The following GNG7 variants were observed in gnomAD, a reference collection of about 807,000 sequenced individuals.
GNG7 encodes the protein G protein subunit gamma 7.
In GNG7, 1 loss-of-function variant was observed where a neutral mutation model predicts 4.0. That is an observed-to-expected ratio of 0.25 (90% CI 0.09 to 1.18). The LOEUF is 1.18. Ranked by LOEUF, GNG7 falls within the 50% of genes most tolerant of loss-of-function variation. The pLI is 0.50. For missense variants in GNG7, 86 were observed against 91.9 expected (o/e 0.94, Z 0.26); for synonymous variants, 34 against 36.9 (o/e 0.92, Z 0.29).
At position 2,633,190 on chromosome 19, in the gene GNG7, G is replaced by A. The variant is rs1021271176; in HGVS notation, c.-78+13034C>T. 1.3e-5 allele frequency among the ~76,000 whole-genome samples: 2 copies of A among 152,200 alleles called. No individual in the cohort carries two copies. Among genetic ancestry groups the A allele is most frequent in the Admixed American group, 1.3e-4 (2 of 15,274 alleles). On this transcript the variant is annotated intron_variant, in intron 2 of 4. Transcript: ENST00000382159. This position sits in a 1 kb window ranked among gnomAD's most constrained non-coding sequence, Gnocchi z 5.9. ...GATGGGAGGAAAATTAGCATCCAAC[G>A]GGCCTCATCATTGCTGTCCTGGGCA...
intron 2 of GNG7, among the ~76,000 whole-genome samples, chr19:2,573,111 C>T (rs1402246113): frequency 2.0e-5 from 3 of 150,106 alleles, no homozygotes; most frequent in African/African-American, 4.9e-5. Context: ...CTGCAACCTC[C>T]GTCTCCCAGG....
At position 2,545,439 on chromosome 19, in the gene GNG7, G is replaced by A. The variant is rs1433655158; in HGVS notation, c.-38+9710C>T. ...GAGGCGGGCGGATCACTTGACGTCA[G>A]GGGTTCGAGACCAGCCTGGTCAACA... On this transcript the variant is annotated intron_variant, in intron 3 of 4. Coordinates refer to ENST00000382159, the MANE Select transcript of GNG7 (RefSeq NM_052847.3). Among the ~76,000 whole-genome samples, 5 of 152,110 alleles carry A rather than the reference G, an allele frequency of 3.3e-5. No homozygotes were observed. In the East Asian group the frequency reaches 9.7e-4, roughly 29 times the overall value.
At chr19:2,658,965 C>T (rs1048306871) in intron 1 of GNG7, among the ~76,000 whole-genome samples, 29 of 147,224 alleles carry the variant, frequency 2.0e-4, no homozygotes, top group African/African-American at 5.8e-4. Flanking sequence ...ACGAACCAAG[C>T]GTTCTGATTT....
chr19:2,526,600 T>C (rs1023011295), intron 3 of GNG7, among the ~76,000 whole-genome samples: 4 of 146,722 alleles, frequency 2.7e-5, no homozygotes, highest in African/African-American at 1.0e-4. Context: ...CAGTTTTGTA[T>C]TACTAATATA....
At chr19:2,621,590 G>C (rs991192048) in intron 2 of GNG7, among the ~76,000 whole-genome samples, 1 of 152,126 alleles carries the variant, frequency 6.6e-6, no homozygotes, top group African/African-American at 2.4e-5. Flanking sequence ...CCAGCTACTC[G>C]GGAGGCTGAG....
intron 1 of GNG7, among the ~76,000 whole-genome samples, chr19:2,697,396 G>A (rs776496120): frequency 2.6e-5 from 4 of 152,036 alleles, no homozygotes; most frequent in Admixed American, 2.0e-4. Flanking sequence ...GCCGCAGGAT[G>A]GGGGAGGAGG....
At chr19:2,519,412 T>C (rs1978296855) in intron 4 of GNG7, among the ~76,000 whole-genome samples, 1 of 151,860 alleles carries the variant, frequency 6.6e-6, no homozygotes, top group African/African-American at 2.4e-5. Context: ...CACCTCAGCT[T>C]CCCAAAGTGC....
At chr19:2,560,905 C>T (rs919522609) in intron 2 of GNG7, among the ~76,000 whole-genome samples, 3 of 149,842 alleles carry the variant, frequency 2.0e-5, no homozygotes, top group Non-Finnish European at 3.0e-5. Flanking sequence ...TGCAGTGAGC[C>T]GAGATCGTAC....
At chr19:2,620,259 G>A (rs1981832993) in intron 2 of GNG7, among the ~76,000 whole-genome samples, 1 of 147,356 alleles carries the variant, frequency 6.8e-6, no homozygotes, top group Non-Finnish European at 1.5e-5. Flanking sequence ...GGGGAGGGGA[G>A]GGGAGAGGAG....
chr19:2,637,950 T>C (rs1982360228), intron 2 of GNG7, among the ~76,000 whole-genome samples: 1 of 152,118 alleles, frequency 6.6e-6, no homozygotes, highest in African/African-American at 2.4e-5. Context: ...ATCCACACCC[T>C]GAGTTGGGAG....
At chr19:2,588,977 G>T (rs1318239719) in intron 2 of GNG7, among the ~76,000 whole-genome samples, 2 of 152,150 alleles carry the variant, frequency 1.3e-5, no homozygotes, top group East Asian at 3.9e-4. Context: ...GACCCAGGCT[G>T]GAGTGTAATG....
intron 2 of GNG7, among the ~76,000 whole-genome samples, chr19:2,566,604 C>T (rs966326962): frequency 3.3e-5 from 5 of 152,174 alleles, no homozygotes; most frequent in African/African-American, 1.2e-4. Flanking sequence ...CCCTCCCACC[C>T]CCACTGCTAA....
rs190517038 is a variant in GNG7 at position 2,673,577 on chromosome 19, C to T, written c.-134-27297G>A. On this transcript the variant is annotated intron_variant, in intron 1 of 4. Transcript: ENST00000382159. The stretch of plus-strand genomic sequence containing the variant: ...GCAGGGTGGCAGGCACCTGAAATCC[C>T]AGCTACTTGGGAGGCTGAGGCAGGA... 8.9e-3 allele frequency among the ~76,000 whole-genome samples: 1,355 copies of T among 151,700 alleles called. 16 individuals carry two copies. The highest frequency in any genetic ancestry group is 0.031 in the African/African-American group (1,299 of 41,344).
intron 2 of GNG7, among the ~76,000 whole-genome samples, chr19:2,585,369 TATAC>T (rs1980640776): frequency 6.6e-6 from 1 of 152,152 alleles, no homozygotes; most frequent in South Asian, 2.1e-4. Context: ...ACCTGCAATT[TATAC>T]ATAAATACAT....
intron 1 of GNG7, among the ~76,000 whole-genome samples, chr19:2,693,446 A>G (rs1812615956): frequency 6.6e-6 from 1 of 151,964 alleles, no homozygotes; most frequent in African/African-American, 2.4e-5. Flanking sequence ...AAAGAAAAAA[A>G]GAAAGAAAAG....
chr19:2,557,253 A>G lies in GNG7; in HGVS notation c.-77-2065T>C, dbSNP rs555704502. ...CACACAGACGCACATGTGCACACACACGTGCACACACATTTGCACACACAG... is the reference window on the plus strand; with the variant it reads ...CACACAGACGCACATGTGCACACACGCGTGCACACACATTTGCACACACAG... On this transcript the variant is annotated intron_variant, in intron 2 of 4. Coordinates refer to ENST00000382159, the MANE Select transcript of GNG7 (RefSeq NM_052847.3). The surrounding 1 kb of genome is among the most constrained non-coding windows in gnomAD (Gnocchi z 5.1). 6.6e-6 allele frequency among the ~76,000 whole-genome samples: 1 copy of G among 150,940 alleles called. No homozygotes were observed. The highest frequency in any genetic ancestry group is 1.5e-5 in the Non-Finnish European group (1 of 67,902).
At chr19:2,650,555 T>C (rs1019141766) in intron 1 of GNG7, among the ~76,000 whole-genome samples, 1 of 152,148 alleles carries the variant, frequency 6.6e-6, no homozygotes, top group African/African-American at 2.4e-5. Context: ...CCCCAGCCCT[T>C]TAACCCCAGC....
chr19:2,570,691 T>C (rs1239386870), intron 2 of GNG7, among the ~76,000 whole-genome samples: 1 of 152,154 alleles, frequency 6.6e-6, no homozygotes, highest in Non-Finnish European at 1.5e-5. Flanking sequence ...CTGGAAGGTT[T>C]TCCAGGAGCA....
chr19:2,681,130 C>T (rs1983723974), intron 1 of GNG7, among the ~76,000 whole-genome samples: 1 of 151,834 alleles, frequency 6.6e-6, no homozygotes, highest in Admixed American at 6.6e-5. Context: ...TACAGGTGTG[C>T]CCCAGCAGGC....
Sources: gnomAD v4.1 joint callset for allele counts (sites outside exome capture counted in the v4.1 genomes callset) on GRCh38, gnomAD v4.1.1 for gene constraint, Gnocchi (gnomAD v3.1) non-coding constraint, MANE v1.5 for transcripts, NCBI Gene and HGNC (gene_info 2026-07-23, HGNC 2026-07-21) for gene names.